PGM5: variants seen among roughly 807,000 people sequenced by gnomAD.
PGM5 encodes phosphoglucomutase-like protein 5.
PGM5 carries 23 observed loss-of-function variants against 59.2 expected under a neutral mutation model. That is an observed-to-expected ratio of 0.39 (90% confidence interval 0.28 to 0.55). The LOEUF (loss-of-function observed/expected upper bound fraction) is 0.55, where lower values mean the gene tolerates loss of function less well. Ranked by LOEUF, PGM5 falls within the 20% of genes least tolerant of loss-of-function variation. The pLI is 0.66. For missense variants in PGM5, 574 were observed against 748.3 expected (o/e 0.77, Z 2.72); for synonymous variants, 214 against 286.0 (o/e 0.75, Z 2.54).
At chr9:68,425,173 G>A (rs1328777799) in intron 6 of PGM5, among the ~76,000 whole-genome samples, 1 of 152,098 alleles carries the variant, frequency 6.6e-6, no homozygotes, top group Non-Finnish European at 1.5e-5. Flanking sequence ...AAAAACACAA[G>A]TTTAGGAACA....
intron 10 of PGM5, among the ~76,000 whole-genome samples, chr9:68,524,104 T>C (rs957724337): frequency 2.0e-5 from 3 of 152,094 alleles, no homozygotes; most frequent in Non-Finnish European, 2.9e-5. Context: ...CCAGGGAGTA[T>C]GGACAAGTTA....
At chr9:68,368,917 C>T (rs1393003193) in intron 1 of PGM5, among the ~76,000 whole-genome samples, 1 of 152,264 alleles carries the variant, frequency 6.6e-6, no homozygotes, top group Non-Finnish European at 1.5e-5. Context: ...AGTGCTGGGA[C>T]TATAGGTGTG....
At chr9:68,485,263 T>C (rs1824276297) in intron 9 of PGM5, among the ~76,000 whole-genome samples, 1 of 152,106 alleles carries the variant, frequency 6.6e-6, no homozygotes, top group Non-Finnish European at 1.5e-5. Flanking sequence ...TCATTTCCCC[T>C]CCCCCTCCAT....
At position 68,519,050 on chromosome 9, in the gene PGM5, C is replaced by A. The variant is rs1447952596; in HGVS notation, c.1615-10517C>A. 9.2e-5 allele frequency among the ~76,000 whole-genome samples: 14 copies of A among 151,790 alleles called. No homozygotes were observed. The Admixed American group carries it at 9.2e-4, about 10-fold the overall frequency. ...TTGACAACTAATTTTTCTTTATCAACACTAAAAATAAGGAGACTGATGGCT... is the reference window on the plus strand; with the variant it reads ...TTGACAACTAATTTTTCTTTATCAAAACTAAAAATAAGGAGACTGATGGCT... On this transcript the variant is annotated intron_variant, in intron 10 of 10. Transcript: ENST00000396396.
intron 10 of PGM5, among the ~76,000 whole-genome samples, chr9:68,515,296 G>A (rs781930415): frequency 2.6e-5 from 4 of 152,112 alleles, no homozygotes; most frequent in Admixed American, 1.3e-4. Context: ...GTCTCTCCTC[G>A]TTTACAGGGC....
At chr9:68,421,802 A>G (rs1564001307) in intron 6 of PGM5, among the ~76,000 whole-genome samples, 1 of 152,002 alleles carries the variant, frequency 6.6e-6, no homozygotes, top group Non-Finnish European at 1.5e-5. Flanking sequence ...CCAGATGCTT[A>G]CTTTGTAGAT....
chr9:68,475,184 A>ATTTTTTTTTTTT (rs782687667), intron 7 of PGM5, among the ~76,000 whole-genome samples: 389 of 112,750 alleles, frequency 3.5e-3, no homozygotes, highest in African/African-American at 7.6e-3. Context: ...TGCCTGGCTA[A>ATTTTTTTTTTTT]TTTTTTTTTT....
chr9:68,425,557 T>C (rs987370355), intron 6 of PGM5, among the ~76,000 whole-genome samples: 2 of 152,232 alleles, frequency 1.3e-5, no homozygotes, highest in African/African-American at 4.8e-5. Flanking sequence ...CAAGAGGAGT[T>C]GAGTTTGGAT....
intron 6 of PGM5, 135 bp downstream of exon 6, chr9:68,392,608 A>T (rs1822394939): frequency 7.1e-7 from 1 of 1,401,420 alleles, no homozygotes; most frequent in Admixed American, 2.8e-5. Flanking sequence ...GGTATAGTGT[A>T]CTGGGTAGAA....
chr9:68,414,879 T>C (rs1273778127), intron 6 of PGM5, among the ~76,000 whole-genome samples: 1 of 142,738 alleles, frequency 7.0e-6, no homozygotes, highest in Non-Finnish European at 1.5e-5. Flanking sequence ...TGAAAGGCAG[T>C]GGACGGCCAT....
intron 8 of PGM5, 54 bp from the exon 9 acceptor site, chr9:68,483,811 C>A: frequency 6.5e-7 from 1 of 1,531,088 alleles, no homozygotes; most frequent in Non-Finnish European, 9.0e-7. Flanking sequence ...GTAAGTGGGC[C>A]ACCCAGTTGC....
At chr9:68,358,184 C>T (rs1834506138) in intron 1 of PGM5, among the ~76,000 whole-genome samples, 1 of 152,216 alleles carries the variant, frequency 6.6e-6, no homozygotes, top group Admixed American at 6.5e-5. Flanking sequence ...TTCCCAACTT[C>T]TCTCCAAATG....
intron 10 of PGM5, among the ~76,000 whole-genome samples, chr9:68,510,456 C>T (rs1261824403): frequency 6.6e-6 from 1 of 151,972 alleles, no homozygotes; most frequent in Non-Finnish European, 1.5e-5. Context: ...TGGCCGAAAT[C>T]AGTTATTTTT....
chr9:68,382,575 T>C (rs1476964282), intron 2 of PGM5, among the ~76,000 whole-genome samples: 1 of 151,816 alleles, frequency 6.6e-6, no homozygotes, highest in Admixed American at 6.6e-5. Context: ...TTATGCACTT[T>C]AAAATCTCTG....
At chr9:68,436,666 C>T (rs2132059970) in intron 6 of PGM5, among the ~76,000 whole-genome samples, 1 of 152,334 alleles carries the variant, frequency 6.6e-6, no homozygotes, top group East Asian at 1.9e-4. Flanking sequence ...TTTGTACCAA[C>T]CACTTCATCT....
rs1335196846 is a variant in PGM5, at chr9:68,479,556, G to T, written c.1295+3G>T. 2 of 1,613,626 alleles carry T rather than the reference G, an allele frequency of 1.2e-6. No individual in the cohort carries two copies. Among genetic ancestry groups the T allele is most frequent in the African/African-American group, 1.3e-5 (1 of 74,908 alleles). ...TTTGGCCGCCACTACTATTGCAGGT[G>T]AGGAGAAGGGGAAGGGTCTCTGTAT... is the stretch of plus-strand genomic sequence containing the variant. On this transcript the variant is annotated splice_donor_region_variant and intron_variant, in intron 8 of 10. Transcript: ENST00000396396.
At chr9:68,358,314 T>C (rs1277963260) in intron 1 of PGM5, among the ~76,000 whole-genome samples, 3 of 152,036 alleles carry the variant, frequency 2.0e-5, no homozygotes, top group Non-Finnish European at 4.4e-5. Context: ...ACTTCAGGTT[T>C]TTCTCCCTCT....
At chr9:68,376,827 T>TTC (rs1563984820) in intron 1 of PGM5, among the ~76,000 whole-genome samples, 129 of 106,816 alleles carry the variant, frequency 1.2e-3, no homozygotes, top group Non-Finnish European at 2.0e-3. Context: ...CTTTCTTTCT[T>TTC]TCTTTCTCTT....
chr9:68,517,660 G>A (rs1358670447), intron 10 of PGM5, among the ~76,000 whole-genome samples: 2 of 152,160 alleles, frequency 1.3e-5, no homozygotes, highest in Non-Finnish European at 2.9e-5. Flanking sequence ...TTTAAAAGGA[G>A]CAAGATATCT....
Sources: allele counts gnomAD v4.1 joint callset (sites outside exome capture counted in the v4.1 genomes callset), GRCh38; gene constraint gnomAD v4.1.1; transcripts MANE v1.5; gene names NCBI Gene and HGNC (gene_info 2026-07-23, HGNC 2026-07-21).